The following MYSM1 variants were observed in gnomAD, a reference collection of about 807,000 sequenced individuals.
The protein encoded by MYSM1 is Myb like, SWIRM and MPN domains 1.
Under a neutral mutation model 116.0 loss-of-function variants are expected in MYSM1, and 51 were observed. The ratio of observed to expected loss-of-function variants is 0.44; its 90% CI spans 0.35 to 0.56. The LOEUF is 0.56. Ranked by LOEUF, MYSM1 falls within the 20% of genes least tolerant of loss-of-function variation. The probability of loss-of-function intolerance (pLI) is 0.00; values close to 1 mark genes in which losing one functional copy is unlikely to be tolerated. For synonymous variants in MYSM1, 313 were observed against 315.2 expected (o/e 0.99, Z 0.07); for missense variants, 900 against 974.9 (o/e 0.92, Z 1.02).
intron 12 of MYSM1, among the ~76,000 whole-genome samples, chr1:58,669,304 C>T (rs1644520647): frequency 6.6e-6 from 1 of 151,864 alleles, no homozygotes; most frequent in Admixed American, 6.6e-5. Flanking sequence ...TATAAACTAT[C>T]AGACATATGT....
intron 10 of MYSM1, 113 bp downstream of exon 10, chr1:58,675,364 C>A: frequency 1.4e-6 from 1 of 704,512 alleles, no homozygotes; most frequent in Non-Finnish European, 2.4e-6. Flanking sequence ...CAAGAGGAAA[C>A]ATGTTTTTCT....
intron 1 of MYSM1, among the ~76,000 whole-genome samples, chr1:58,698,102 A>ATATATTTTTTTTTT: frequency 2.6e-4 from 2 of 7,778 alleles, no homozygotes; most frequent in Non-Finnish European, 3.6e-4. Context: ...ATATATATAT[A>ATATATTTTTTTTTT]TTTTTTTTTT....
At chr1:58,665,159 A>T (rs891497396) in intron 17 of MYSM1, among the ~76,000 whole-genome samples, 2 of 152,222 alleles carry the variant, frequency 1.3e-5, no homozygotes, top group Admixed American at 1.3e-4. Context: ...AGAGAAAGCC[A>T]GTCTGCATTT....
chr1:58,696,434 T>C (rs2811892), intron 1 of MYSM1, among the ~76,000 whole-genome samples: 145,639 of 152,230 alleles, frequency 0.96, 69,989 homozygotes, highest in East Asian at 1. Context: ...GCTACTCTTC[T>C]ATTGTTCACC....
chr1:58,675,338 T>C (rs908176718), intron 10 of MYSM1, 139 bp downstream of exon 10: 7 of 608,344 alleles, frequency 1.2e-5, no homozygotes, highest in Admixed American at 5.8e-5. Context: ...GAAAAGCGAA[T>C]TGCTAAGGTG....
At chr1:58,663,230 A>C (rs1033595241) in intron 17 of MYSM1, among the ~76,000 whole-genome samples, 1 of 152,240 alleles carries the variant, frequency 6.6e-6, no homozygotes, top group Non-Finnish European at 1.5e-5. Context: ...TGCTGATGCA[A>C]AAACATGAAA....
intron 3 of MYSM1, chr1:58,692,602 T>C (rs1211325800): frequency 2.0e-5 from 6 of 297,146 alleles, no homozygotes; most frequent in Non-Finnish European, 3.1e-5. Context: ...CTATCATTTC[T>C]ACTCAATATT....
chr1:58,698,100 A>AT (rs1446935480), intron 1 of MYSM1, among the ~76,000 whole-genome samples: 2 of 4,964 alleles, frequency 4.0e-4, no homozygotes, highest in African/African-American at 6.7e-4. Flanking sequence ...ATATATATAT[A>AT]TATTTTTTTT....
rs1644299928 is a variant in MYSM1 at position 58,654,908 on chromosome 1, T to C, written c.*5089A>G. On this transcript the variant is annotated 3_prime_UTR_variant, in exon 20 of 20. Coordinates refer to ENST00000472487, the MANE Select transcript of MYSM1 (RefSeq NM_001085487.3). ...TCTTTCATAATTCTTAAAATGCAGG[T>C]ATTTACAACATTTTTAAATACAGAC... 1 of 152,094 alleles carries C rather than the reference T, an allele frequency of 6.6e-6. No homozygotes were observed. Among genetic ancestry groups the C allele is most frequent in the Non-Finnish European group, 1.5e-5 (1 of 68,002 alleles). The allele number at this position is 152,094 out of a possible 1,614,324, so 9.4% of individuals were successfully genotyped here. A position where few individuals can be genotyped will look rare whatever the true frequency, so the allele number is the denominator to read the frequency against.
Position 58,655,181 on chromosome 1 carries a change from A to C in MYSM1, c.*4816T>G, listed in dbSNP as rs1373031644. On this transcript the variant is annotated 3_prime_UTR_variant, in exon 20 of 20. Coordinates refer to ENST00000472487, the MANE Select transcript of MYSM1 (RefSeq NM_001085487.3). ...GACTAATCTATTTAACTCACGCTAG[A>C]ATCTAAATACTATTTTATAATTCAT... The C allele has an allele frequency of 6.6e-6, 1 of 152,186 alleles. No homozygotes were observed. The highest frequency in any genetic ancestry group is 1.5e-5 in the Non-Finnish European group (1 of 68,016). The allele number at this position is 152,186 out of a possible 1,614,324, so 9.4% of individuals were successfully genotyped here. A position where few individuals can be genotyped will look rare whatever the true frequency, so the allele number is the denominator to read the frequency against.
At chr1:58,694,230 G>C (rs1644941257) in intron 2 of MYSM1, among the ~76,000 whole-genome samples, 1 of 152,116 alleles carries the variant, frequency 6.6e-6, no homozygotes, top group African/African-American at 2.4e-5. Context: ...CTCCCTCTTA[G>C]AAAATAAACT....
chr1:58,690,268 G>A lies in MYSM1; in HGVS notation c.297-19C>T, dbSNP rs1644885642. 1.3e-6 allele frequency: 2 copies of A among 1,571,826 alleles called. No homozygotes were observed. Among genetic ancestry groups the A allele is most frequent in the African/African-American group, 2.7e-5 (2 of 72,822 alleles). ...CTGCAGACTGCATCACATGAAAAAA[G>A]AAAATAAGGAAGCGTGTGAGGTTTC... On this transcript the variant is annotated intron_variant, in intron 4 of 19. Coordinates refer to ENST00000472487, the MANE Select transcript of MYSM1 (RefSeq NM_001085487.3).
At chr1:58,673,708 C>T in intron 10 of MYSM1, 58 bp from the exon 11 acceptor site, 2 of 1,310,418 alleles carry the variant, frequency 1.5e-6, no homozygotes, top group Non-Finnish European at 2.2e-6. Flanking sequence ...GAAATCATAG[C>T]ACATTAATAC....
At chr1:58,671,020 G>A (rs962085930) in intron 12 of MYSM1, among the ~76,000 whole-genome samples, 7 of 152,138 alleles carry the variant, frequency 4.6e-5, no homozygotes, top group East Asian at 1.9e-4. Context: ...TCAGTCTCAC[G>A]ACAACTGTGT....
intron 3 of MYSM1, among the ~76,000 whole-genome samples, chr1:58,690,660 C>T (rs1326211041): frequency 6.7e-6 from 1 of 148,546 alleles, no homozygotes; most frequent in African/African-American, 2.5e-5. Context: ...TTTCTTAAAA[C>T]ACCATGAGAT....
intron 11 of MYSM1, 110 bp from the exon 12 acceptor site, chr1:58,672,068 T>C (rs1644569954): frequency 2.6e-6 from 2 of 765,268 alleles, no homozygotes; most frequent in Non-Finnish European, 2.1e-6. Flanking sequence ...AGAGACTAAA[T>C]TGATATAGAT....
chr1:58,672,596 G>C (rs138996564), intron 11 of MYSM1, among the ~76,000 whole-genome samples: 1 of 151,680 alleles, frequency 6.6e-6, no homozygotes, highest in Non-Finnish European at 1.5e-5. Flanking sequence ...CCATTTCTAC[G>C]ACCAACTTAC....
intron 1 of MYSM1, among the ~76,000 whole-genome samples, chr1:58,695,413 T>C (rs1292718406): frequency 6.6e-6 from 1 of 152,160 alleles, no homozygotes; most frequent in Non-Finnish European, 1.5e-5. Flanking sequence ...AGCTACCCCA[T>C]CTCAATTGTG....
At chr1:58,698,329 T>C (rs2100690613) in intron 1 of MYSM1, among the ~76,000 whole-genome samples, 2 of 150,324 alleles carry the variant, frequency 1.3e-5, no homozygotes, top group South Asian at 4.2e-4. Context: ...CTCGATCTCC[T>C]GACCTCGTGA....
Sources: gnomAD v4.1 joint callset for allele counts (sites outside exome capture counted in the v4.1 genomes callset) on GRCh38, gnomAD v4.1.1 for gene constraint, MANE v1.5 for transcripts, NCBI Gene and HGNC (gene_info 2026-07-23, HGNC 2026-07-21) for gene names.